Variants in GDAP1 observed in about 807,000 individuals in gnomAD.
GDAP1 encodes the protein ganglioside induced differentiation associated protein 1.
A neutral mutation model predicts 40.1 loss-of-function variants in GDAP1; 34 were observed. That is an observed-to-expected ratio of 0.85 (90% CI 0.64 to 1.13). The LOEUF is 1.13. GDAP1 is among the 50% of genes most tolerant of loss of function. GDAP1 has a pLI of 0.00. For synonymous variants in GDAP1, 170 were observed against 157.4 expected (o/e 1.08, Z -0.60); for missense variants, 374 against 433.7 (o/e 0.86, Z 1.22).
intron 2 of GDAP1, among the ~76,000 whole-genome samples, chr8:74,448,797 G>T (rs1806263021): frequency 6.6e-6 from 1 of 151,914 alleles, no homozygotes; most frequent in Admixed American, 6.6e-5. Flanking sequence ...TTGATTGTAG[G>T]AGTTTTTTGG....
At chr8:74,425,074 T>C (rs994922644) in intron 2 of GDAP1, among the ~76,000 whole-genome samples, 1 of 152,152 alleles carries the variant, frequency 6.6e-6, no homozygotes, top group African/African-American at 2.4e-5. Context: ...CATCAGCAGG[T>C]CAAATAGGCA....
intron 2 of GDAP1, among the ~76,000 whole-genome samples, chr8:74,457,924 AAAGTCCATCATAG>A (rs1806355756): frequency 6.6e-6 from 1 of 152,150 alleles, no homozygotes; most frequent in Admixed American, 6.6e-5. Context: ...TATTATCAGT[AAAGTCCATCATAG>A]TCCTTGGAAG....
chr8:74,394,727 G>A (rs1343214108), intron 2 of GDAP1, among the ~76,000 whole-genome samples: 4 of 152,076 alleles, frequency 2.6e-5, no homozygotes, highest in South Asian at 2.1e-4. Context: ...AGGGTGCTGC[G>A]TTAAGTATGT....
intron 2 of GDAP1, among the ~76,000 whole-genome samples, chr8:74,420,537 A>G (rs1200714626): frequency 6.6e-6 from 1 of 152,216 alleles, no homozygotes; most frequent in Non-Finnish European, 1.5e-5. Context: ...TCACTGTCCT[A>G]TAACAACACA....
intron 2 of GDAP1, among the ~76,000 whole-genome samples, chr8:74,437,198 G>T (rs1466392625): frequency 6.6e-6 from 1 of 152,160 alleles, no homozygotes; most frequent in Non-Finnish European, 1.5e-5. Context: ...TACAAATCCT[G>T]TGAAGTCCTT....
At position 74,364,795 on chromosome 8, in the gene GDAP1, G is replaced by T; in HGVS notation, c.*428G>T. 2.2e-6 allele frequency: 1 copy of T among 456,868 alleles called. No homozygotes were observed. Among genetic ancestry groups the T allele is most frequent in the South Asian group, 1.5e-5 (1 of 64,520 alleles). 28.3% of individuals were successfully genotyped at this position (456,868 alleles called of 1,614,324 possible). ...ATCACTGGGGATAGTGGGCTGGAGA[G>T]AACCCCAGGCTTTATATGTATACTT... On this transcript the variant is annotated 3_prime_UTR_variant, in exon 6 of 6. Coordinates refer to ENST00000220822, the MANE Select transcript of GDAP1 (RefSeq NM_018972.4).
chr8:74,457,825 C>G (rs1247322575), intron 2 of GDAP1, among the ~76,000 whole-genome samples: 1 of 152,116 alleles, frequency 6.6e-6, no homozygotes, highest in African/African-American at 2.4e-5. Context: ...AGCTACAAGA[C>G]ACTATGACTC....
chr8:74,356,692 T>G lies in GDAP1; in HGVS notation c.311-3445T>G, dbSNP rs10099989. 1.7e-3 allele frequency among the ~76,000 whole-genome samples: 163 copies of G among 95,262 alleles called. 1 individual carries two copies. The highest frequency in any genetic ancestry group is 6.0e-3 in the African/African-American group (136 of 22,638). The allele number at this position is 95,262 out of a possible 152,430, so 62.5% of individuals were successfully genotyped here. On this transcript the variant is annotated intron_variant, in intron 2 of 5. Coordinates refer to ENST00000220822, the MANE Select transcript of GDAP1 (RefSeq NM_018972.4). The stretch of plus-strand genomic sequence containing the variant: ...TGTGTGTGTGTGTGTGTGTGTGTGT[T>G]TGTGTGTGTGTATATATATATATAT...
Position 74,452,242 on chromosome 8 carries a change from G to A in GDAP1, c.166-36436G>A, listed in dbSNP as rs1237109980. Among the ~76,000 whole-genome samples, 48 of 83,124 alleles carry A rather than the reference G, an allele frequency of 5.8e-4. 18 individuals are homozygous for A. The highest frequency in any genetic ancestry group is 2.4e-3 in the African/African-American group (45 of 19,036). 54.5% of individuals were successfully genotyped at this position (83,124 alleles called of 152,430 possible). ...TGGGATTACAGGCATGAGCCACTTCGCCCAGCTGCTGTTCTTTATTTTTAT... is the reference window on the plus strand; with the variant it reads ...TGGGATTACAGGCATGAGCCACTTCACCCAGCTGCTGTTCTTTATTTTTAT... On this transcript the variant is annotated intron_variant, in intron 2 of 2. Coordinates refer to the GDAP1 transcript ENST00000523640.
chr8:74,443,958 G>A (rs1806194607), intron 2 of GDAP1, among the ~76,000 whole-genome samples: 1 of 150,470 alleles, frequency 6.6e-6, no homozygotes, highest in Non-Finnish European at 1.5e-5. Flanking sequence ...TCAGTCACAA[G>A]TTTCCTTTAT....
chr8:74,444,219 C>T (rs1461122659), intron 2 of GDAP1, among the ~76,000 whole-genome samples: 1 of 75,666 alleles, frequency 1.3e-5, no homozygotes, highest in Admixed American at 1.2e-4. Flanking sequence ...CGCGCGCACA[C>T]ACACACACAC....
chr8:74,441,319 G>C (rs1316697158), intron 2 of GDAP1, among the ~76,000 whole-genome samples: 1 of 151,990 alleles, frequency 6.6e-6, no homozygotes. Context: ...TATGACTCAT[G>C]GGTCCCCCAT....
In GDAP1 at chr8:74,366,507, A is replaced by C. The variant is rs1180567748; in HGVS notation, c.*2140A>C. 8.8e-6 allele frequency: 4 copies of C among 454,250 alleles called. No homozygotes were observed. Among genetic ancestry groups the C allele is most frequent in the Non-Finnish European group, 1.8e-5 (4 of 226,738 alleles). The allele number at this position is 454,250 out of a possible 1,614,324, so 28.1% of individuals were successfully genotyped here. The stretch of plus-strand genomic sequence containing the variant: ...ACACAATGTCAAGCTAGAGTTAAAC[A>C]CAGTATTAGCTAAATAGGCACTTAT... On this transcript the variant is annotated 3_prime_UTR_variant, in exon 6 of 6. Transcript: ENST00000220822.
At chr8:74,422,362 C>T (rs369427147) in intron 2 of GDAP1, among the ~76,000 whole-genome samples, 4,296 of 63,828 alleles carry the variant, frequency 0.067, 241 homozygotes, top group Middle Eastern at 0.11. Flanking sequence ...CCCTTCCTTC[C>T]TTCCTTCCTT....
rs1415026794 is a variant in GDAP1, at chr8:74,365,825, C to G, written c.*1458C>G. 6.6e-6 allele frequency: 3 copies of G among 454,020 alleles called. No homozygotes were observed. The highest frequency in any genetic ancestry group is 2.0e-5 in the African/African-American group (1 of 49,864). The allele number at this position is 454,020 out of a possible 1,614,324, so 28.1% of individuals were successfully genotyped here. ...ATAAAACCTCCAGAGTAAACTCAGT[C>G]AAACAATAATTGAGTAGCAGCTTTT... On this transcript the variant is annotated 3_prime_UTR_variant, in exon 6 of 6. Coordinates refer to ENST00000220822, the MANE Select transcript of GDAP1 (RefSeq NM_018972.4).
chr8:74,371,427 G>A (rs573628711), downstream of GDAP1, among the ~76,000 whole-genome samples: 5 of 152,252 alleles, frequency 3.3e-5, no homozygotes, highest in East Asian at 9.6e-4. Context: ...TTGGGAGGCC[G>A]AGGCGGGCGG....
In GDAP1 at chr8:74,486,848, T is replaced by A. The variant is rs78588008; in HGVS notation, c.166-1830T>A. ...TAAAGTATAGGTACAGAATCTGTCC[T>A]TCATTGCACTTTCTTGATGTTTTTC... On this transcript the variant is annotated intron_variant, in intron 2 of 2. Coordinates refer to the GDAP1 transcript ENST00000523640. 5.9e-5 allele frequency among the ~76,000 whole-genome samples: 9 copies of A among 152,308 alleles called. No individual in the cohort carries two copies. In the East Asian group the frequency reaches 9.6e-4, roughly 16 times the overall value.
intron 2 of GDAP1, among the ~76,000 whole-genome samples, chr8:74,443,747 C>T (rs1485826745): frequency 6.6e-6 from 1 of 152,202 alleles, no homozygotes; most frequent in Non-Finnish European, 1.5e-5. Flanking sequence ...CACCTGCAGG[C>T]TGGGAGGCTT....
intron 2 of GDAP1, among the ~76,000 whole-genome samples, chr8:74,441,132 A>G (rs1400232556): frequency 6.6e-6 from 1 of 152,064 alleles, no homozygotes; most frequent in Non-Finnish European, 1.5e-5. Flanking sequence ...ACCAGTTTGT[A>G]TTTTCTGAAA....
Sources: allele counts gnomAD v4.1 joint callset (sites outside exome capture counted in the v4.1 genomes callset), GRCh38; gene constraint gnomAD v4.1.1; transcripts MANE v1.5; gene names NCBI Gene and HGNC (gene_info 2026-07-23, HGNC 2026-07-21).